DNAJC5B: variants seen among roughly 807,000 people sequenced by gnomAD.
DNAJC5B encodes DnaJ heat shock protein family (Hsp40) member C5 beta, also known as dnaJ homolog subfamily C member 5B.
In DNAJC5B, 23 loss-of-function variants were observed where a neutral mutation model predicts 24.7. That is an observed-to-expected ratio of 0.93 (90% CI 0.67 to 1.32). The LOEUF (loss-of-function observed/expected upper bound fraction) is 1.32. Ranked by LOEUF, DNAJC5B falls within the 40% of genes most tolerant of loss-of-function variation. DNAJC5B has a pLI of 0.00. For synonymous variants in DNAJC5B, 101 were observed against 90.1 expected (o/e 1.12, Z -0.68); for missense variants, 238 against 240.8 (o/e 0.99, Z 0.08).
At chr8:66,081,131 T>C (rs569861141) in intron 5 of DNAJC5B, among the ~76,000 whole-genome samples, 2 of 152,304 alleles carry the variant, frequency 1.3e-5, no homozygotes, top group African/African-American at 4.8e-5. Flanking sequence ...CACCTCCGTG[T>C]GTCCATGTGT....
chr8:66,059,818 G>A (rs929908354), intron 3 of DNAJC5B, among the ~76,000 whole-genome samples: 1 of 152,170 alleles, frequency 6.6e-6, no homozygotes, highest in African/African-American at 2.4e-5. Flanking sequence ...ACATAACCTT[G>A]GGTGCTAGAC....
chr8:66,099,036 TCACACACACA>T (rs34531773), intron 5 of DNAJC5B, among the ~76,000 whole-genome samples: 11 of 146,240 alleles, frequency 7.5e-5, no homozygotes, highest in South Asian at 4.3e-4. Context: ...TCTCTCTCTG[TCACACACACA>T]CACACACACA....
intron 3 of DNAJC5B, among the ~76,000 whole-genome samples, chr8:66,058,679 A>C (rs1807017983): frequency 6.6e-6 from 1 of 152,210 alleles, no homozygotes; most frequent in Non-Finnish European, 1.5e-5. Context: ...CTCCTGTGTC[A>C]ATTTGTAGAT....
chr8:66,090,242 C>T (rs564423230), intron 5 of DNAJC5B, among the ~76,000 whole-genome samples: 17 of 141,550 alleles, frequency 1.2e-4, no homozygotes, highest in Admixed American at 4.3e-4. Context: ...AGTGTGTGTG[C>T]GTGCAGGCAT....
chr8:66,086,698 TTTATA>T (rs2128965867), intron 5 of DNAJC5B, among the ~76,000 whole-genome samples: 1 of 152,312 alleles, frequency 6.6e-6, no homozygotes, highest in South Asian at 2.1e-4. Context: ...GAGCCAGGGC[TTTATA>T]TTAATTACCC....
intron 1 of DNAJC5B, among the ~76,000 whole-genome samples, chr8:66,032,198 G>A (rs545089300): frequency 1.7e-3 from 260 of 152,332 alleles, no homozygotes; most frequent in African/African-American, 6.0e-3. Flanking sequence ...TATGGCCACT[G>A]CCTCCCAGCA....
At chr8:66,071,659 A>G (rs1046047489) in intron 3 of DNAJC5B, among the ~76,000 whole-genome samples, 1 of 152,226 alleles carries the variant, frequency 6.6e-6, no homozygotes, top group Non-Finnish European at 1.5e-5. Context: ...TCAAGGATCT[A>G]GAACTAGAAA....
intron 3 of DNAJC5B, among the ~76,000 whole-genome samples, chr8:66,064,485 T>C (rs1807147538): frequency 6.6e-6 from 1 of 152,124 alleles, no homozygotes; most frequent in African/African-American, 2.4e-5. Context: ...GCGGAGGAAG[T>C]CTATACAGCC....
chr8:66,069,921 A>G (rs1563603115), intron 3 of DNAJC5B, among the ~76,000 whole-genome samples: 1 of 152,246 alleles, frequency 6.6e-6, no homozygotes, highest in Non-Finnish European at 1.5e-5. Context: ...AAATCAATAA[A>G]CATAATCCAT....
chr8:66,072,609 G>A (rs371273498), intron 3 of DNAJC5B, among the ~76,000 whole-genome samples: 31 of 152,136 alleles, frequency 2.0e-4, no homozygotes, highest in African/African-American at 3.6e-4. Flanking sequence ...GAAATTTTCC[G>A]TATGTTTGAA....
At chr8:66,073,199 C>T (rs926611524) in intron 3 of DNAJC5B, among the ~76,000 whole-genome samples, 2 of 151,916 alleles carry the variant, frequency 1.3e-5, no homozygotes, top group Admixed American at 6.6e-5. Context: ...AAAAAATCAA[C>T]ATACAACAAT....
At chr8:66,060,166 G>C (rs867347443) in intron 3 of DNAJC5B, among the ~76,000 whole-genome samples, 3 of 152,130 alleles carry the variant, frequency 2.0e-5, no homozygotes, top group African/African-American at 7.2e-5. Context: ...CATGCTCAGG[G>C]GGTGAGCCAG....
At chr8:66,098,769 G>GT (rs1250827716) in intron 5 of DNAJC5B, among the ~76,000 whole-genome samples, 3 of 151,564 alleles carry the variant, frequency 2.0e-5, no homozygotes, top group Non-Finnish European at 2.9e-5. Flanking sequence ...ATTCATGAAG[G>GT]TTTTTTCCAT....
rs866177284 is a variant in DNAJC5B, at chr8:66,100,767, A to G, written c.*736A>G. On this transcript the variant is annotated 3_prime_UTR_variant, in exon 6 of 6. Transcript: ENST00000276570. ...CATTTTCTAGTAAAATAATTTTTGT[A>G]TAACTGGCTCAGATTAGCCAGACTA... Among the ~76,000 whole-genome samples the G allele has an allele frequency of 7.2e-5, 11 of 152,176 alleles. No homozygotes were observed. The highest frequency in any genetic ancestry group is 1.3e-4 in the Non-Finnish European group (9 of 68,024).
At chr8:66,017,109 A>T (rs769868801), upstream of DNAJC5B, among the ~76,000 whole-genome samples, 1 of 152,154 alleles carries the variant, frequency 6.6e-6, no homozygotes, top group Admixed American at 6.5e-5. Flanking sequence ...ATCACCTTAT[A>T]GGATCTAAAC....
intron 2 of DNAJC5B, among the ~76,000 whole-genome samples, chr8:66,045,532 T>C (rs73243220): frequency 0.023 from 3,427 of 152,008 alleles, 135 homozygotes; most frequent in African/African-American, 0.079. Flanking sequence ...CGGGTGTGAG[T>C]TTTTATCTAT....
At chr8:66,038,553 C>T (rs576229639) in intron 1 of DNAJC5B, among the ~76,000 whole-genome samples, 10 of 152,202 alleles carry the variant, frequency 6.6e-5, no homozygotes, top group Non-Finnish European at 1.2e-4. Flanking sequence ...GAGCAACTTC[C>T]ATATTAGAAC....
At chr8:66,058,089 G>A (rs1361567896) in intron 3 of DNAJC5B, 2 of 152,204 alleles carry the variant, frequency 1.3e-5, no homozygotes, top group African/African-American at 4.8e-5. Flanking sequence ...CTCGCTCCTA[G>A]CCTGTACTTT....
At chr8:66,064,838 T>C (rs1807156119) in intron 3 of DNAJC5B, among the ~76,000 whole-genome samples, 1 of 152,212 alleles carries the variant, frequency 6.6e-6, no homozygotes, top group Admixed American at 6.5e-5. Context: ...GTTGGACATG[T>C]ATTTTATCTA....
Sources: gnomAD v4.1 joint callset for allele counts (sites outside exome capture counted in the v4.1 genomes callset) on GRCh38, gnomAD v4.1.1 for gene constraint, MANE v1.5 for transcripts, NCBI Gene and HGNC (gene_info 2026-07-23, HGNC 2026-07-21) for gene names.